The following CARHSP1 variants were observed in gnomAD, a reference collection of about 807,000 sequenced individuals.
The protein encoded by CARHSP1 is calcium-regulated heat-stable protein 1.
A neutral mutation model predicts 12.5 loss-of-function variants in CARHSP1; 14 were observed. The ratio of observed to expected loss-of-function variants is 1.12; its 90% CI spans 0.74 to 1.75. The LOEUF (loss-of-function observed/expected upper bound fraction) is 1.75, where lower values mean the gene tolerates loss of function less well. CARHSP1 is among the 40% of genes most tolerant of loss of function. CARHSP1 has a pLI of 0.00. For missense variants in CARHSP1, 343 were observed against 201.6 expected (o/e 1.70, Z -4.25); for synonymous variants, 161 against 82.0 (o/e 1.96, Z -5.20).
At chr16:8,862,555 G>A (rs1190716478) in intron 1 of CARHSP1, among the ~76,000 whole-genome samples, 2 of 152,172 alleles carry the variant, frequency 1.3e-5, no homozygotes, top group Non-Finnish European at 2.9e-5. Flanking sequence ...GAAACAGACA[G>A]AAGGGGATAG....
intron 3 of CARHSP1, among the ~76,000 whole-genome samples, chr16:8,856,371 C>T (rs182460960): frequency 1.2e-4 from 19 of 152,332 alleles, no homozygotes; most frequent in Admixed American, 5.9e-4. Flanking sequence ...GAGTGTTTCC[C>T]TCTTTGATCT....
rs2061252140 is a variant in CARHSP1, at chr16:8,859,042, G to T, written c.158+129C>A. On this transcript the variant is annotated intron_variant, in intron 2 of 3. Transcript: ENST00000311052. The stretch of plus-strand genomic sequence containing the variant: ...CCTAGTTTCTCACCCTCAGCCCACG[G>T]CCCAGCCCCAGGTCTGCCTATTTGG... The T allele has an allele frequency of 4.7e-6, 4 of 846,900 alleles. No individual in the cohort carries two copies. In the Admixed American group the frequency reaches 1.2e-4, roughly 26 times the overall value. 52.5% of individuals were successfully genotyped at this position (846,900 alleles called of 1,614,324 possible).
chr16:8,868,958 C>G lies in CARHSP1; in HGVS notation c.-8+8G>C, dbSNP rs915476509. On this transcript the variant is annotated splice_region_variant and intron_variant, in intron 1 of 3. Coordinates refer to ENST00000311052, the MANE Select transcript of CARHSP1 (RefSeq NM_014316.4). ...CCTATCCTGGGGTCCCCGAGAAGAG[C>G]TCCCTACCCTGCAATCCGTTCTGCT... 4.6e-5 allele frequency: 7 copies of G among 152,102 alleles called. No individual in the cohort carries two copies. Among genetic ancestry groups the G allele is most frequent in the Admixed American group, 2.6e-4 (4 of 15,302 alleles). The allele number at this position is 152,102 out of a possible 1,614,324, so 9.4% of individuals were successfully genotyped here.
chr16:8,864,222 G>A (rs1473181372), intron 1 of CARHSP1, among the ~76,000 whole-genome samples: 2 of 152,326 alleles, frequency 1.3e-5, no homozygotes, highest in Non-Finnish European at 1.5e-5. Flanking sequence ...ACACATGGCT[G>A]TCTCTGCATC....
intron 1 of CARHSP1, 139 bp from the exon 2 acceptor site, chr16:8,859,474 G>A (rs1450730523): frequency 1.3e-6 from 1 of 777,284 alleles, no homozygotes; most frequent in Non-Finnish European, 2.0e-6. Context: ...ACCTTGTCTG[G>A]GAGCACGCCT....
intron 1 of CARHSP1, among the ~76,000 whole-genome samples, chr16:8,861,340 G>C (rs1036670365): frequency 6.6e-6 from 1 of 151,396 alleles, no homozygotes; most frequent in African/African-American, 2.4e-5. Context: ...AAACATCCCA[G>C]GGGGTTTCCT....
chr16:8,865,527 C>G (rs2061440487), intron 1 of CARHSP1, among the ~76,000 whole-genome samples: 1 of 152,224 alleles, frequency 6.6e-6, no homozygotes, highest in Admixed American at 6.5e-5. Flanking sequence ...CTCTCCAAGC[C>G]TGCTCTGCAA....
At chr16:8,859,427 G>T in intron 1 of CARHSP1, 92 bp from the exon 2 acceptor site, 2 of 1,174,996 alleles carry the variant, frequency 1.7e-6, no homozygotes, top group Non-Finnish European at 2.4e-6. Context: ...TCCAGTATCT[G>T]AGGCTCATTC....
At chr16:8,859,419 C>T (rs1596535079) in intron 1 of CARHSP1, 84 bp from the exon 2 acceptor site, 2 of 1,250,152 alleles carry the variant, frequency 1.6e-6, no homozygotes, top group Non-Finnish European at 2.2e-6. Context: ...TCTGACAGTC[C>T]AGTATCTGAG....
At position 8,853,337 on chromosome 16, in the gene CARHSP1, A is replaced by C. The variant is rs2060997397; in HGVS notation, c.*1827T>G. 8.4e-6 allele frequency: 1 copy of C among 118,668 alleles called. No homozygotes were observed. The allele number at this position is 118,668 out of a possible 1,614,324, so 7.4% of individuals were successfully genotyped here. On this transcript the variant is annotated 3_prime_UTR_variant, in exon 4 of 4. Coordinates refer to ENST00000311052, the MANE Select transcript of CARHSP1 (RefSeq NM_014316.4). ...CCAACAGGGAACAATTCAAGGCTGG[A>C]GAGAAAAGGCCACCTTTGACCCAGC...
chr16:8,857,144 CCTG>C (rs1454792258), intron 3 of CARHSP1, among the ~76,000 whole-genome samples: 5 of 152,140 alleles, frequency 3.3e-5, no homozygotes, highest in Non-Finnish European at 7.4e-5. Flanking sequence ...CCCAGCAGTC[CCTG>C]CTGCTCACAC....
intron 1 of CARHSP1, chr16:8,860,202 C>G (rs922020388): frequency 4.1e-6 from 4 of 985,322 alleles, no homozygotes; most frequent in South Asian, 4.7e-5. Context: ...AGCCTGCACC[C>G]AGGACTGGGG....
chr16:8,868,942 G>C (rs1378311507), intron 1 of CARHSP1, 24 bp downstream of exon 1: 1 of 152,008 alleles, frequency 6.6e-6, no homozygotes, highest in Non-Finnish European at 1.5e-5. Context: ...GCCTATCCTG[G>C]GGTCCCCGAG....
chr16:8,856,913 G>A (rs1247200369), intron 3 of CARHSP1, among the ~76,000 whole-genome samples: 1 of 152,082 alleles, frequency 6.6e-6, no homozygotes, highest in African/African-American at 2.4e-5. Flanking sequence ...GCTCCCCAAG[G>A]GTTTTCAGAC....
At chr16:8,859,033 C>T in intron 2 of CARHSP1, 138 bp downstream of exon 2, 2 of 745,240 alleles carry the variant, frequency 2.7e-6, no homozygotes, top group Non-Finnish European at 4.1e-6. Context: ...TTCTCACCCT[C>T]AGCCCACGGC....
chr16:8,864,400 G>A (rs1361161495), intron 1 of CARHSP1, among the ~76,000 whole-genome samples: 2 of 152,122 alleles, frequency 1.3e-5, no homozygotes, highest in East Asian at 3.9e-4. Context: ...AAGGGAGTGG[G>A]ACAGACCATG....
chr16:8,857,460 TTTTCTATTTTTTTGTA>T (rs1378019480), intron 3 of CARHSP1: 8 of 93,526 alleles, frequency 8.6e-5, no homozygotes, highest in African/African-American at 3.2e-4. Context: ...TTTTTTTTTT[TTTTCTATTTTTTTGTA>T]TTTTTGTGAT....
At chr16:8,861,305 C>T (rs1486093913) in intron 1 of CARHSP1, among the ~76,000 whole-genome samples, 1 of 150,768 alleles carries the variant, frequency 6.6e-6, no homozygotes, top group Non-Finnish European at 1.5e-5. Context: ...AGGCATGAAC[C>T]ACCATGCCCG....
At position 8,855,098 on chromosome 16, in the gene CARHSP1, G is replaced by C; in HGVS notation, c.*66C>G. The stretch of plus-strand genomic sequence containing the variant: ...CTCGTGTGGAAGAATGTCATCTCCA[G>C]TGTCTGCTGCCTCCTCCCTGCAAAG... On this transcript the variant is annotated 3_prime_UTR_variant, in exon 4 of 4. Coordinates refer to ENST00000311052, the MANE Select transcript of CARHSP1 (RefSeq NM_014316.4). The C allele has an allele frequency of 1.5e-6, 2 of 1,358,494 alleles. No homozygotes were observed. Among genetic ancestry groups the C allele is most frequent in the African/African-American group, 1.5e-5 (1 of 67,788 alleles). The allele number at this position is 1,358,494 out of a possible 1,614,324, so 84.2% of individuals were successfully genotyped here.
Sources: allele counts gnomAD v4.1 joint callset (sites outside exome capture counted in the v4.1 genomes callset), GRCh38; gene constraint gnomAD v4.1.1; transcripts MANE v1.5; gene names NCBI Gene and HGNC (gene_info 2026-07-23, HGNC 2026-07-21).